Variants in COL8A2 observed in about 807,000 individuals in gnomAD.
COL8A2 encodes the protein collagen alpha-2(VIII) chain.
In COL8A2, 16 loss-of-function variants were observed where a neutral mutation model predicts 24.0. The ratio of observed to expected loss-of-function variants is 0.67; its 90% CI spans 0.45 to 1.01. COL8A2 has a LOEUF of 1.01. COL8A2 is among the 50% of genes least tolerant of loss of function. The pLI is 0.00. For missense variants in COL8A2, 818 were observed against 942.4 expected (o/e 0.87, Z 1.73); for synonymous variants, 466 against 424.5 (o/e 1.10, Z -1.20).
chr1:36,098,513 G>A lies in COL8A2; in HGVS notation c.1168C>T (p.Pro390Ser), dbSNP rs1643614790. 6.3e-7 allele frequency: 1 copy of A among 1,591,448 alleles called. No homozygotes were observed. The highest frequency in any genetic ancestry group is 8.5e-7 in the Non-Finnish European group (1 of 1,169,808). The change falls in exon 4 of 4, where the codon CCT (proline) becomes TCT (serine). Residue 390 changes from proline (P) to serine (S), a missense_variant. Coordinates refer to ENST00000397799, the MANE Select transcript of COL8A2 (RefSeq NM_005202.4). ...GGCCCCTGGTCACCTCGAATGCCAG[G>A]CACTCCTGGGGGTCCTCCAGGCCCT... ...EAGPGGPPGV[P>S]GIRGDQGPSG... is the part of the protein sequence containing the mutation.
intron 2 of COL8A2, among the ~76,000 whole-genome samples, chr1:36,107,027 GA>G (rs1643771552): frequency 6.6e-6 from 1 of 151,934 alleles, no homozygotes; most frequent in Non-Finnish European, 1.5e-5. Flanking sequence ...CGCAATACGT[GA>G]CTTAATTCTG....
chr1:36,120,501 G>A (rs935274848), intron 1 of COL8A2, among the ~76,000 whole-genome samples: 5 of 151,170 alleles, frequency 3.3e-5, no homozygotes, highest in African/African-American at 1.2e-4. Flanking sequence ...TGTAACCCCA[G>A]CACTTTGGGA....
At position 36,123,374 on chromosome 1, in the gene COL8A2, G is replaced by T. The variant is rs1319344700; in HGVS notation, c.-62+1683C>A. 6.6e-6 allele frequency among the ~76,000 whole-genome samples: 1 copy of T among 152,194 alleles called. No homozygotes were observed. Among genetic ancestry groups the T allele is most frequent in the Non-Finnish European group, 1.5e-5 (1 of 68,032 alleles). ...AGCAGAGAAGGTAGTGGAGTACAGG[G>T]GCTCAGGCTGACAGCCCTGCTTAGT... On this transcript the variant is annotated intron_variant, in intron 1 of 3. Coordinates refer to ENST00000397799, the MANE Select transcript of COL8A2 (RefSeq NM_005202.4). The surrounding 1 kb of genome is among the most constrained non-coding windows in gnomAD (Gnocchi z 4.1).
intron 1 of COL8A2, among the ~76,000 whole-genome samples, chr1:36,119,858 G>T (rs1643897629): frequency 6.6e-6 from 1 of 152,160 alleles, no homozygotes; most frequent in South Asian, 2.1e-4. Context: ...AGGTTGTAAG[G>T]AGAGGCAGGC....
rs780073352 is a variant in COL8A2 at position 36,097,543 on chromosome 1, C to T, written c.*26G>A. 5 of 1,552,998 alleles carry T rather than the reference C, an allele frequency of 3.2e-6. No homozygotes were observed. The highest frequency in any genetic ancestry group is 1.7e-5 in the Admixed American group (1 of 57,436). On this transcript the variant is annotated 3_prime_UTR_variant, in exon 4 of 4. Transcript: ENST00000397799. ...GCTCTACCACTAAAGGGGAGGAGGC[C>T]AGGGCAGCAGGACCCCCCCCGCGGG...
intron 2 of COL8A2, among the ~76,000 whole-genome samples, chr1:36,101,042 T>C (rs1267708480): frequency 6.6e-6 from 1 of 152,058 alleles, no homozygotes; most frequent in Non-Finnish European, 1.5e-5. Context: ...TATAGGTGTG[T>C]GCCACCACGC....
Position 36,097,404 on chromosome 1 carries a change from A to G in COL8A2, c.*165T>C. The G allele has an allele frequency of 1.5e-6, 1 of 652,942 alleles. No homozygotes were observed. The highest frequency in any genetic ancestry group is 2.7e-5 in the Admixed American group (1 of 37,246). The allele number at this position is 652,942 out of a possible 1,614,324, so 40.4% of individuals were successfully genotyped here. On this transcript the variant is annotated 3_prime_UTR_variant, in exon 4 of 4. Coordinates refer to ENST00000397799, the MANE Select transcript of COL8A2 (RefSeq NM_005202.4). ...CTCAGGCCAGCCCCTTCCAGAAACA[A>G]TCTCAGCCTGCATGCAGGGAGAAAG... is the stretch of plus-strand genomic sequence containing the variant.
intron 2 of COL8A2, among the ~76,000 whole-genome samples, chr1:36,100,887 CTTTTTTTTTT>C (rs139330748): frequency 2.0e-4 from 10 of 50,162 alleles, no homozygotes; most frequent in East Asian, 1.4e-3. Context: ...GCATTCAAGG[CTTTTTTTTTT>C]TTTTTTTTTT....
At chr1:36,116,150 C>T (rs1473578424) in intron 1 of COL8A2, among the ~76,000 whole-genome samples, 1 of 152,106 alleles carries the variant, frequency 6.6e-6, no homozygotes, top group African/African-American at 2.4e-5. Context: ...GTGCCTGCCC[C>T]GGGCTTCTTA....
intron 2 of COL8A2, among the ~76,000 whole-genome samples, chr1:36,108,098 C>T (rs2124091519): frequency 6.6e-6 from 1 of 152,362 alleles, no homozygotes; most frequent in South Asian, 2.1e-4. Context: ...ACACTCAGTC[C>T]TTTCCTCAGC....
Position 36,099,438 on chromosome 1 carries a change from G to A in COL8A2, c.243C>T (p.Pro81=). The change falls in exon 4 of 4, where the codon CCC becomes CCT. Residue 81 remains proline, a synonymous_variant. Transcript: ENST00000397799. ...LPMDLKGEPG[P]PGKPGPRGPP... ...GACCCCGAGGCCCGGGCTTCCCAGG[G>A]GGGCCGGGCTCTCCCTTCAGGTCCA... 6.5e-7 allele frequency: 1 copy of A among 1,545,742 alleles called. No homozygotes were observed. Among genetic ancestry groups the A allele is most frequent in the Non-Finnish European group, 8.7e-7 (1 of 1,150,598 alleles).
In COL8A2 at chr1:36,099,721, A is replaced by G. The variant is rs1235534412; in HGVS notation, c.194-234T>C. Among the ~76,000 whole-genome samples the G allele has an allele frequency of 2.6e-5, 4 of 152,132 alleles. No homozygotes were observed. In the South Asian group the frequency reaches 8.3e-4, roughly 31 times the overall value. On this transcript the variant is annotated intron_variant, in intron 3 of 3. Transcript: ENST00000397799. ...AACCTACCTAGGCTGGGCCTCCTCC[A>G]TGAGCCTGGCTGATTCTCACCTCTC...
chr1:36,107,775 C>T (rs570052683), intron 2 of COL8A2, among the ~76,000 whole-genome samples: 1 of 152,172 alleles, frequency 6.6e-6, no homozygotes, highest in South Asian at 2.1e-4. Context: ...CCCCTGCCCA[C>T]CTGCCTCCTT....
chr1:36,106,758 CCCGCAAG>C (rs997702511), intron 2 of COL8A2, among the ~76,000 whole-genome samples: 3 of 152,142 alleles, frequency 2.0e-5, no homozygotes, highest in Non-Finnish European at 2.9e-5. Flanking sequence ...AGGCGGCACC[CCCGCAAG>C]CTGCCCACCT....
intron 2 of COL8A2, among the ~76,000 whole-genome samples, chr1:36,114,714 C>A (rs1007676265): frequency 6.6e-6 from 1 of 152,068 alleles, no homozygotes; most frequent in Non-Finnish European, 1.5e-5. Context: ...CTGAGGCGGG[C>A]ACAGGGCATG....
At chr1:36,116,412 T>G (rs1358633101) in intron 1 of COL8A2, among the ~76,000 whole-genome samples, 1 of 152,234 alleles carries the variant, frequency 6.6e-6, no homozygotes, top group African/African-American at 2.4e-5. Flanking sequence ...CAGCTCTGGT[T>G]TGGGGTGGCC....
At chr1:36,108,523 G>A (rs1293383738) in intron 2 of COL8A2, among the ~76,000 whole-genome samples, 2 of 152,336 alleles carry the variant, frequency 1.3e-5, no homozygotes, top group Middle Eastern at 3.4e-3. Context: ...GCGCAGTGGC[G>A]GCCTCGGGTA....
In COL8A2 at chr1:36,125,211, G is replaced by T; in HGVS notation, c.-216C>A. 3.1e-6 allele frequency: 1 copy of T among 325,404 alleles called. No individual in the cohort carries two copies. Among genetic ancestry groups the T allele is most frequent in the Non-Finnish European group, 4.4e-6 (1 of 227,826 alleles). 20.2% of individuals were successfully genotyped at this position (325,404 alleles called of 1,614,324 possible). A position where few individuals can be genotyped will look rare whatever the true frequency, so the allele number is the denominator to read the frequency against. ...CGTCGCTCTGCCGGCCGCCCCTCGC[G>T]GCTGCCGGAGTGGGCGGGCGGCAGG... is the stretch of plus-strand genomic sequence containing the variant. On this transcript the variant is annotated 5_prime_UTR_variant, in exon 1 of 4. Transcript: ENST00000397799. The surrounding 1 kb of genome is among the most constrained non-coding windows in gnomAD (Gnocchi z 4.5).
At chr1:36,113,233 A>G (rs1179843118) in intron 2 of COL8A2, among the ~76,000 whole-genome samples, 1 of 152,122 alleles carries the variant, frequency 6.6e-6, no homozygotes, top group Non-Finnish European at 1.5e-5. Context: ...CACTGAACCC[A>G]GGCCTTTGCC....
Sources: allele counts gnomAD v4.1 joint callset (sites outside exome capture counted in the v4.1 genomes callset), GRCh38; gene constraint gnomAD v4.1.1; non-coding constraint Gnocchi (gnomAD v3.1); transcripts MANE v1.5; gene names NCBI Gene and HGNC (gene_info 2026-07-23, HGNC 2026-07-21).